Variants in CDK6 observed in about 807,000 individuals in gnomAD.
The protein encoded by CDK6 is cyclin-dependent kinase 6.
A neutral mutation model predicts 37.1 loss-of-function variants in CDK6; 6 were observed. The ratio of observed to expected loss-of-function variants is 0.16; its 90% CI spans 0.09 to 0.32. The LOEUF (loss-of-function observed/expected upper bound fraction) is 0.32. CDK6 is among the 10% of genes least tolerant of loss of function. CDK6 has a pLI of 1.00. For synonymous variants in CDK6, 160 were observed against 161.3 expected (o/e 0.99, Z 0.06); for missense variants, 224 against 418.9 (o/e 0.53, Z 4.06).
At chr7:92,731,126 T>C (rs188525063) in intron 3 of CDK6, among the ~76,000 whole-genome samples, 69 of 152,364 alleles carry the variant, frequency 4.5e-4, no homozygotes, top group African/African-American at 1.6e-3. Flanking sequence ...GCTTGCTGTA[T>C]GTATACAGCT....
At chr7:92,700,730 G>T (rs1376215765) in intron 4 of CDK6, among the ~76,000 whole-genome samples, 1 of 152,250 alleles carries the variant, frequency 6.6e-6, no homozygotes, top group South Asian at 2.1e-4. Flanking sequence ...CATAGGGCAG[G>T]ACCTTTGAGG....
intron 3 of CDK6, among the ~76,000 whole-genome samples, chr7:92,762,734 A>AT (rs1042451028): frequency 1.7e-4 from 26 of 149,076 alleles, no homozygotes; most frequent in East Asian, 9.8e-4. Flanking sequence ...TGCCCAGCTA[A>AT]TTTTTTTTTT....
At chr7:92,818,756 G>A (rs916369072) in intron 2 of CDK6, among the ~76,000 whole-genome samples, 2 of 151,858 alleles carry the variant, frequency 1.3e-5, no homozygotes, top group African/African-American at 2.4e-5. Context: ...TTTAAAAAAC[G>A]GTCAATTTGA....
At chr7:92,680,501 A>G (rs977456324) in intron 4 of CDK6, among the ~76,000 whole-genome samples, 2 of 151,728 alleles carry the variant, frequency 1.3e-5, no homozygotes, top group African/African-American at 2.4e-5. Flanking sequence ...AGTCATCTCA[A>G]ATTCACCCAT....
chr7:92,830,560 T>C (rs1488177196), intron 2 of CDK6, among the ~76,000 whole-genome samples: 4 of 152,170 alleles, frequency 2.6e-5, no homozygotes, highest in African/African-American at 9.7e-5. Flanking sequence ...AACTCTCCCT[T>C]GGAAAGAAAA....
chr7:92,795,852 T>A (rs1800395064), intron 2 of CDK6, among the ~76,000 whole-genome samples: 1 of 152,158 alleles, frequency 6.6e-6, no homozygotes, highest in African/African-American at 2.4e-5. Context: ...AGGTTTGATC[T>A]AAGCATTAGC....
chr7:92,827,029 C>A (rs1052240470), intron 2 of CDK6, among the ~76,000 whole-genome samples: 4 of 152,102 alleles, frequency 2.6e-5, no homozygotes, highest in African/African-American at 9.7e-5. Flanking sequence ...TCCTGTCTTA[C>A]CAATGTTTAA....
At chr7:92,638,128 A>T (rs1408927058) in intron 5 of CDK6, among the ~76,000 whole-genome samples, 1 of 152,236 alleles carries the variant, frequency 6.6e-6, no homozygotes, top group Non-Finnish European at 1.5e-5. Context: ...CATGCTAAAA[A>T]ATTTAAAAGA....
chr7:92,796,865 A>G (rs1800427243), intron 2 of CDK6, among the ~76,000 whole-genome samples: 1 of 152,150 alleles, frequency 6.6e-6, no homozygotes, highest in Non-Finnish European at 1.5e-5. Flanking sequence ...ATCAATGAAC[A>G]GACAGAAAAG....
At position 92,631,897 on chromosome 7, in the gene CDK6, G is replaced by C. The variant is rs567739454; in HGVS notation, c.648-8811C>G. Among the ~76,000 whole-genome samples the C allele has an allele frequency of 2.6e-5, 4 of 152,204 alleles. No individual in the cohort carries two copies. In the East Asian group the frequency reaches 7.7e-4, roughly 29 times the overall value. On this transcript the variant is annotated intron_variant, in intron 5 of 7. Coordinates refer to ENST00000424848, the MANE Select transcript of CDK6 (RefSeq NM_001145306.2). ...GTGAGTCAAGTTTTCTCTCATGATA[G>C]GCTGACTTCAAAGCAACATTGATAC...
chr7:92,625,562 CAAAAA>C (rs143150566), intron 5 of CDK6, among the ~76,000 whole-genome samples: 3 of 147,776 alleles, frequency 2.0e-5, no homozygotes, highest in Non-Finnish European at 4.5e-5. Flanking sequence ...CAAAACAAAA[CAAAAA>C]AAACCAAAAA....
chr7:92,786,748 A>ATG, intron 2 of CDK6, among the ~76,000 whole-genome samples: 1 of 150,620 alleles, frequency 6.6e-6, no homozygotes, highest in East Asian at 1.9e-4. Flanking sequence ...ATATATATAT[A>ATG]ATGTGGCTCT....
intron 4 of CDK6, 61 bp from the exon 5 acceptor site, chr7:92,671,596 C>T: frequency 2.2e-6 from 2 of 917,094 alleles, no homozygotes; most frequent in East Asian, 2.8e-5. Flanking sequence ...AGACTCCTGA[C>T]TAAACCTGGT....
intron 7 of CDK6, among the ~76,000 whole-genome samples, chr7:92,615,530 C>T (rs1795657776): frequency 6.6e-6 from 1 of 152,216 alleles, no homozygotes; most frequent in African/African-American, 2.4e-5. Context: ...GGATTTCTCA[C>T]TAAGCCATTA....
At position 92,613,394 on chromosome 7, in the gene CDK6, C is replaced by T. The variant is rs1585335370; in HGVS notation, c.*1746G>A. On this transcript the variant is annotated 3_prime_UTR_variant, in exon 8 of 8. Transcript: ENST00000424848. The stretch of plus-strand genomic sequence containing the variant: ...TTGCATGATCTAACTGTTGCATGCA[C>T]TCTGAGTCAGAAAGCACAGGTGGCT... 8.6e-6 allele frequency: 2 copies of T among 233,728 alleles called. No individual in the cohort carries two copies. Among genetic ancestry groups the T allele is most frequent in the East Asian group, 1.2e-4 (2 of 16,588 alleles). 14.5% of individuals were successfully genotyped at this position (233,728 alleles called of 1,614,324 possible).
At chr7:92,713,667 TAAA>T (rs535072218) in intron 4 of CDK6, among the ~76,000 whole-genome samples, 20 of 67,206 alleles carry the variant, frequency 3.0e-4, no homozygotes, top group East Asian at 2.3e-3. Context: ...TTAAAAAAAG[TAAA>T]AAAAAAAAAA....
rs1440426126 is a variant in CDK6 at position 92,833,032 on chromosome 7, C to T, written c.233+59G>A. ...CCTTTCTGGGCCTGAGGATTCCCGG[C>T]TCGGCCCTCCCCGCGCGCGCGAGGC... On this transcript the variant is annotated intron_variant, in intron 2 of 7. Transcript: ENST00000424848. The surrounding 1 kb of genome is among the most constrained non-coding windows in gnomAD (Gnocchi z 6.1). The T allele has an allele frequency of 7.9e-7, 1 of 1,273,656 alleles. No individual in the cohort carries two copies. The highest frequency in any genetic ancestry group is 2.5e-5 in the East Asian group (1 of 39,450). The allele number at this position is 1,273,656 out of a possible 1,614,324, so 78.9% of individuals were successfully genotyped here.
chr7:92,672,052 G>A (rs1180935521), intron 4 of CDK6, among the ~76,000 whole-genome samples: 3 of 149,612 alleles, frequency 2.0e-5, no homozygotes, highest in Non-Finnish European at 3.0e-5. Context: ...CTACCTGGGT[G>A]ATGGGGGCAC....
At chr7:92,718,856 T>A (rs532254484) in intron 4 of CDK6, among the ~76,000 whole-genome samples, 4 of 152,364 alleles carry the variant, frequency 2.6e-5, no homozygotes, top group South Asian at 2.1e-4. Flanking sequence ...CTGATTCAGA[T>A]CTATCTCTCC....
Sources: allele counts gnomAD v4.1 joint callset (sites outside exome capture counted in the v4.1 genomes callset), GRCh38; gene constraint gnomAD v4.1.1; non-coding constraint Gnocchi (gnomAD v3.1); transcripts MANE v1.5; gene names NCBI Gene and HGNC (gene_info 2026-07-23, HGNC 2026-07-21).